Variants in AGBL4 observed in about 807,000 individuals in gnomAD.
The protein encoded by AGBL4 is cytosolic carboxypeptidase 6.
In AGBL4, 58 loss-of-function variants were observed where a neutral mutation model predicts 66.4. The observed-to-expected ratio is 0.87, with a 90% CI of 0.71 to 1.09. The LOEUF (loss-of-function observed/expected upper bound fraction) is 1.09, where lower values mean the gene tolerates loss of function less well. Among genes scored for constraint, AGBL4 ranks in the 50% least tolerant of loss-of-function variants. AGBL4 has a pLI of 0.00. For synonymous variants in AGBL4, 234 were observed against 222.9 expected, an observed-to-expected ratio of 1.05 and a Z score of -0.44; for missense variants, 579 against 631.0, an observed-to-expected ratio of 0.92 and a Z score of 0.88.
intron 3 of AGBL4, among the ~76,000 whole-genome samples, chr1:49,381,945 A>G (rs7513340): frequency 0.81 from 122,951 of 150,900 alleles, 50,773 homozygotes; most frequent in African/African-American, 0.94. Flanking sequence ...ATGTATACAT[A>G]TGTAACTAAC....
chr1:48,621,542 T>C (rs1239768528), intron 9 of AGBL4, among the ~76,000 whole-genome samples: 3 of 152,300 alleles, frequency 2.0e-5, no homozygotes, highest in East Asian at 1.9e-4. Flanking sequence ...AAAAGCACCC[T>C]AGGACCCAGA....
In AGBL4 at chr1:49,948,522, AATAAATATATATAAATAT is replaced by A. The variant is rs1283140096; in HGVS notation, c.34+75223_34+75240del. 4.1e-4 allele frequency among the ~76,000 whole-genome samples: 40 copies of A among 97,214 alleles called. 1 individual carries two copies. The East Asian group carries it at 4.3e-3, about 10-fold the overall frequency. 63.8% of individuals were successfully genotyped at this position (97,214 alleles called of 152,430 possible). On this transcript the variant is annotated intron_variant, in intron 1 of 13. Coordinates refer to ENST00000371839, the MANE Select transcript of AGBL4 (RefSeq NM_032785.4). ...ATATATATAAATATATAAAAATATA[AATAAATATATATAAATAT>A]ATAAATATATATAAATATATAAAAA...
chr1:49,076,198 G>A (rs1327250641), intron 4 of AGBL4, among the ~76,000 whole-genome samples: 1 of 152,178 alleles, frequency 6.6e-6, no homozygotes, highest in Non-Finnish European at 1.5e-5. Flanking sequence ...CTCAGTATCT[G>A]TAGGGGATAT....
chr1:49,469,420 G>C (rs945708172), intron 3 of AGBL4, among the ~76,000 whole-genome samples: 1 of 151,734 alleles, frequency 6.6e-6, no homozygotes, highest in Non-Finnish European at 1.5e-5. Context: ...AATCAAATAA[G>C]AGATTGGGCC....
At chr1:49,430,020 T>C (rs1645751001) in intron 3 of AGBL4, among the ~76,000 whole-genome samples, 1 of 151,978 alleles carries the variant, frequency 6.6e-6, no homozygotes, top group Admixed American at 6.6e-5. Flanking sequence ...AATGTTTTTG[T>C]ATTTTTTGTA....
At chr1:48,846,229 G>A (rs1039601446) in intron 6 of AGBL4, among the ~76,000 whole-genome samples, 1 of 151,956 alleles carries the variant, frequency 6.6e-6, no homozygotes, top group African/African-American at 2.4e-5. Context: ...AAAGAAAGGG[G>A]CCTGCTATAC....
chr1:48,773,329 A>C (rs1481237791), intron 6 of AGBL4, among the ~76,000 whole-genome samples: 1 of 152,174 alleles, frequency 6.6e-6, no homozygotes, highest in East Asian at 1.9e-4. Context: ...TCTCCAAATG[A>C]GTAGTTCTCA....
intron 2 of AGBL4, among the ~76,000 whole-genome samples, chr1:49,824,982 T>G (rs541043698): frequency 6.6e-6 from 1 of 152,224 alleles, no homozygotes; most frequent in Non-Finnish European, 1.5e-5. Flanking sequence ...TACTACTCCA[T>G]AGATTTTTTT....
chr1:49,023,492 T>A (rs970893293), intron 5 of AGBL4, among the ~76,000 whole-genome samples: 1 of 152,122 alleles, frequency 6.6e-6, no homozygotes, highest in Non-Finnish European at 1.5e-5. Context: ...TTTATTCAGA[T>A]CTCCTATCTC....
chr1:49,259,173 GA>G (rs1652854453), intron 3 of AGBL4, among the ~76,000 whole-genome samples: 1 of 151,862 alleles, frequency 6.6e-6, no homozygotes, highest in African/African-American at 2.4e-5. Flanking sequence ...ACAAGGAAAG[GA>G]GCAACCAGTA....
At chr1:49,346,784 C>T (rs1442414964) in intron 3 of AGBL4, among the ~76,000 whole-genome samples, 1 of 152,166 alleles carries the variant, frequency 6.6e-6, no homozygotes, top group African/African-American at 2.4e-5. Flanking sequence ...GATTAAGGAT[C>T]CCCTTGTAAA....
chr1:48,987,570 T>C (rs1341656806), intron 5 of AGBL4, among the ~76,000 whole-genome samples: 2 of 152,122 alleles, frequency 1.3e-5, no homozygotes, highest in Non-Finnish European at 2.9e-5. Flanking sequence ...GAGATTTCAA[T>C]ACTTCACTCT....
intron 3 of AGBL4, among the ~76,000 whole-genome samples, chr1:49,345,354 T>C (rs1645616006): frequency 6.6e-6 from 1 of 152,156 alleles, no homozygotes; most frequent in African/African-American, 2.4e-5. Context: ...GTCCTAAGAC[T>C]TTTTGTCATC....
Position 48,590,872 on chromosome 1 carries a change from A to G in AGBL4, c.1065T>C (p.Phe355=), listed in dbSNP as rs1644904722. Residue 355 remains phenylalanine, a synonymous_variant, in exon 10 of 14, where the codon TTT becomes TTC. Coordinates refer to ENST00000371839, the MANE Select transcript of AGBL4 (RefSeq NM_032785.4). Reference sequence around the variant, plus strand: ...CAGCATTCTGGCAGAGGAGCTTGGGAAAAATGGCCTGCCTCTGGAACCGTT... The same window carrying G: ...CAGCATTCTGGCAGAGGAGCTTGGGGAAAATGGCCTGCCTCTGGAACCGTT... ...DEERFQRQAI[F]PKLLCQNAED... is the part of the protein sequence containing the mutation. 3 of 1,605,446 alleles carry G rather than the reference A, an allele frequency of 1.9e-6. No homozygotes were observed. The highest frequency in any genetic ancestry group is 2.6e-6 in the Non-Finnish European group (3 of 1,176,018).
At chr1:49,056,332 A>G (rs998543139) in intron 4 of AGBL4, among the ~76,000 whole-genome samples, 1 of 152,132 alleles carries the variant, frequency 6.6e-6, no homozygotes, top group African/African-American at 2.4e-5. Context: ...AAATCAATGT[A>G]TAATATAGTA....
chr1:48,758,643 A>G (rs1179333923), intron 6 of AGBL4, among the ~76,000 whole-genome samples: 1 of 152,202 alleles, frequency 6.6e-6, no homozygotes, highest in Non-Finnish European at 1.5e-5. Flanking sequence ...GAGCAGTGAC[A>G]AATATTTTGT....
chr1:49,268,627 T>C (rs1643984433), intron 3 of AGBL4, among the ~76,000 whole-genome samples: 1 of 152,098 alleles, frequency 6.6e-6, no homozygotes, highest in Admixed American at 6.6e-5. Context: ...GTACATCCCT[T>C]GAGGGGGCCT....
At chr1:49,856,554 G>A (rs1646437935) in intron 1 of AGBL4, among the ~76,000 whole-genome samples, 1 of 151,978 alleles carries the variant, frequency 6.6e-6, no homozygotes, top group Non-Finnish European at 1.5e-5. Flanking sequence ...GTATCCCAGG[G>A]ATACAAGGAC....
At chr1:49,371,735 A>C (rs1241166908) in intron 3 of AGBL4, among the ~76,000 whole-genome samples, 1 of 152,096 alleles carries the variant, frequency 6.6e-6, no homozygotes, top group African/African-American at 2.4e-5. Flanking sequence ...AAGACTGCAG[A>C]ACTTCGATTT....
Sources: allele counts gnomAD v4.1 joint callset (sites outside exome capture counted in the v4.1 genomes callset), GRCh38; gene constraint gnomAD v4.1.1; transcripts MANE v1.5; gene names NCBI Gene and HGNC (gene_info 2026-07-23, HGNC 2026-07-21).